Variants in RSU1 observed in about 807,000 individuals in gnomAD.
The protein encoded by RSU1 is Ras suppressor protein 1.
In RSU1, 26 loss-of-function variants were observed where a neutral mutation model predicts 31.1. That is an observed-to-expected ratio of 0.84 (90% CI 0.61 to 1.16). The LOEUF (loss-of-function observed/expected upper bound fraction) is 1.16, where lower values mean the gene tolerates loss of function less well. Among genes scored for constraint, RSU1 ranks in the 50% most tolerant of loss-of-function variants. The pLI is 0.00. For missense variants in RSU1, 320 were observed against 339.1 expected (o/e 0.94, Z 0.44); for synonymous variants, 164 against 136.3 (o/e 1.20, Z -1.41).
intron 2 of RSU1, among the ~76,000 whole-genome samples, chr10:16,787,319 TC>T (rs1588535494): frequency 3.9e-5 from 6 of 152,070 alleles, no homozygotes; most frequent in African/African-American, 1.4e-4. Context: ...GCAACCAATC[TC>T]CCCATCACCC....
At chr10:16,708,183 T>C (rs924901826) in intron 7 of RSU1, among the ~76,000 whole-genome samples, 1 of 152,206 alleles carries the variant, frequency 6.6e-6, no homozygotes, top group South Asian at 2.1e-4. Context: ...TAGCCTACTA[T>C]TGATCAGAAA....
At chr10:16,773,923 A>AG (rs1221495998) in intron 3 of RSU1, among the ~76,000 whole-genome samples, 1 of 152,172 alleles carries the variant, frequency 6.6e-6, no homozygotes, top group Admixed American at 6.5e-5. Context: ...ATAGATAGGC[A>AG]GGGGAAAAAA....
intron 8 of RSU1, among the ~76,000 whole-genome samples, chr10:16,674,653 A>T (rs1449282711): frequency 6.6e-6 from 1 of 152,146 alleles, no homozygotes; most frequent in Non-Finnish European, 1.5e-5. Flanking sequence ...TCCACTTTAG[A>T]TACAGTGATA....
intron 2 of RSU1, among the ~76,000 whole-genome samples, chr10:16,791,329 T>A (rs940578425): frequency 7.9e-5 from 12 of 151,550 alleles, no homozygotes; most frequent in African/African-American, 1.9e-4. Context: ...TCAAAAAAAA[T>A]AAAAATAAAA....
intron 8 of RSU1, among the ~76,000 whole-genome samples, chr10:16,676,951 AGGAGCT>A (rs1835245321): frequency 6.6e-6 from 1 of 152,182 alleles, no homozygotes; most frequent in African/African-American, 2.4e-5. Context: ...TGAGGGACTA[AGGAGCT>A]GGCAGTAGGA....
At chr10:16,635,172 A>C (rs1277629979) in intron 8 of RSU1, among the ~76,000 whole-genome samples, 1 of 152,238 alleles carries the variant, frequency 6.6e-6, no homozygotes, top group African/African-American at 2.4e-5. Context: ...ATACATGTGC[A>C]ATGGAATATT....
intron 7 of RSU1, among the ~76,000 whole-genome samples, chr10:16,724,432 C>T (rs552158200): frequency 3.2e-4 from 49 of 152,242 alleles, no homozygotes; most frequent in African/African-American, 1.2e-3. Flanking sequence ...TGAGGGAGGG[C>T]ATTAGCAATG....
At position 16,681,218 on chromosome 10, in the gene RSU1, C is replaced by A. The variant is rs137988376; in HGVS notation, c.731+13805G>T. On this transcript the variant is annotated intron_variant, in intron 8 of 8. Transcript: ENST00000345264. Reference sequence around the variant, plus strand: ...ACCATCTTAAATGATCCTTTACATGCCACTTTCTCTAACCTATTAAGATGC... The same window carrying A: ...ACCATCTTAAATGATCCTTTACATGACACTTTCTCTAACCTATTAAGATGC... 8.7e-4 allele frequency among the ~76,000 whole-genome samples: 132 copies of A among 152,288 alleles called. 3 individuals are homozygous for A. In the South Asian group the frequency reaches 0.02, roughly 23 times the overall value.
At chr10:16,804,752 A>T (rs1413615386) in intron 2 of RSU1, among the ~76,000 whole-genome samples, 3 of 152,208 alleles carry the variant, frequency 2.0e-5, no homozygotes, top group South Asian at 4.1e-4. Context: ...GCTATATGAC[A>T]TTCTGGAAAG....
intron 8 of RSU1, among the ~76,000 whole-genome samples, chr10:16,624,917 A>T (rs2131483347): frequency 6.6e-6 from 1 of 152,268 alleles, no homozygotes; most frequent in South Asian, 2.1e-4. Context: ...TGGCTTCCTA[A>T]TTAATATTAG....
At chr10:16,738,274 G>A (rs139435664) in intron 7 of RSU1, among the ~76,000 whole-genome samples, 1,545 of 151,922 alleles carry the variant, frequency 0.01, 29 homozygotes, top group African/African-American at 0.033. Context: ...GTGAAACTCC[G>A]TCTCTACTAA....
At chr10:16,603,330 G>A (rs1833745027) in intron 8 of RSU1, among the ~76,000 whole-genome samples, 3 of 152,178 alleles carry the variant, frequency 2.0e-5, no homozygotes, top group Admixed American at 1.3e-4. Flanking sequence ...CCACTGGAGG[G>A]GAGAAATGAG....
chr10:16,763,854 C>G (rs1450328065), intron 4 of RSU1, among the ~76,000 whole-genome samples: 1 of 152,196 alleles, frequency 6.6e-6, no homozygotes, highest in Non-Finnish European at 1.5e-5. Flanking sequence ...ATTTACTGCT[C>G]CCTGGTTCTG....
At chr10:16,687,015 C>A (rs1043486837) in intron 8 of RSU1, among the ~76,000 whole-genome samples, 1 of 152,220 alleles carries the variant, frequency 6.6e-6, no homozygotes, top group Admixed American at 6.5e-5. Flanking sequence ...CCAGTCAGAG[C>A]TCCCAGGCAA....
intron 8 of RSU1, among the ~76,000 whole-genome samples, chr10:16,682,759 C>T (rs186968483): frequency 9.9e-5 from 15 of 152,206 alleles, no homozygotes; most frequent in Admixed American, 6.5e-4. Flanking sequence ...GGGTCTGGAT[C>T]GGGACCCCTT....
At chr10:16,665,143 C>T (rs1399003778) in intron 8 of RSU1, among the ~76,000 whole-genome samples, 5 of 152,106 alleles carry the variant, frequency 3.3e-5, no homozygotes, top group Non-Finnish European at 7.4e-5. Context: ...GGGGTTTCGT[C>T]ATGTTGGCCA....
intron 8 of RSU1, among the ~76,000 whole-genome samples, chr10:16,615,594 C>T (rs1833962496): frequency 6.6e-6 from 1 of 152,216 alleles, no homozygotes; most frequent in Non-Finnish European, 1.5e-5. Flanking sequence ...CTTCTCAATG[C>T]CACAGGGCAC....
chr10:16,646,629 C>A (rs1467317880), intron 8 of RSU1, among the ~76,000 whole-genome samples: 1 of 152,194 alleles, frequency 6.6e-6, no homozygotes, highest in African/African-American at 2.4e-5. Context: ...CGAGGCAGGG[C>A]CTCAAGCTCC....
At chr10:16,660,124 C>A (rs1382577735) in intron 8 of RSU1, among the ~76,000 whole-genome samples, 1 of 152,160 alleles carries the variant, frequency 6.6e-6, no homozygotes, top group Admixed American at 6.5e-5. Flanking sequence ...GTAATACTGT[C>A]TACTACGATA....
Sources: gnomAD v4.1 joint callset for allele counts (sites outside exome capture counted in the v4.1 genomes callset) on GRCh38, gnomAD v4.1.1 for gene constraint, MANE v1.5 for transcripts, NCBI Gene and HGNC (gene_info 2026-07-23, HGNC 2026-07-21) for gene names.